MYO3B: variants seen among roughly 807,000 people sequenced by gnomAD.
MYO3B encodes myosin IIIB.
In MYO3B, 156 loss-of-function variants were observed where a neutral mutation model predicts 174.6. The observed-to-expected ratio is 0.89, with a 90% CI of 0.78 to 1.02. MYO3B has a LOEUF of 1.02. Ranked by LOEUF, MYO3B falls within the 50% of genes least tolerant of loss-of-function variation. The pLI, the probability that MYO3B is intolerant of heterozygous loss-of-function variation, is 0.00. For missense variants in MYO3B, 1,632 were observed against 1,639.4 expected (o/e 1.00, Z 0.08); for synonymous variants, 563 against 569.1 (o/e 0.99, Z 0.15).
intron 8 of MYO3B, among the ~76,000 whole-genome samples, chr2:170,352,648 A>C (rs2094084433): frequency 6.6e-6 from 1 of 152,128 alleles, no homozygotes; most frequent in Non-Finnish European, 1.5e-5. Flanking sequence ...CATGGTGTAA[A>C]TATTCCCACC....
At chr2:170,383,210 A>G in intron 11 of MYO3B, 21 bp downstream of exon 11, 1 of 1,387,226 alleles carries the variant, frequency 7.2e-7, no homozygotes, top group Non-Finnish European at 1.0e-6. Flanking sequence ...TTTTAAGAGC[A>G]TACTGCTCCT....
intron 8 of MYO3B, chr2:170,344,103 G>A (rs982779528): frequency 6.6e-6 from 1 of 152,226 alleles, no homozygotes; most frequent in African/African-American, 2.4e-5. Flanking sequence ...CAAGATGACT[G>A]CTGGAGCTCT....
rs189946062 is a variant in MYO3B, at chr2:170,206,120, C to G, written c.321+5836C>G. Among the ~76,000 whole-genome samples the G allele has an allele frequency of 6.6e-6, 1 of 152,086 alleles. No individual in the cohort carries two copies. Among genetic ancestry groups the G allele is most frequent in the Non-Finnish European group, 1.5e-5 (1 of 68,022 alleles). ...ATTTAGAACTCATCACACACATGTACCCTCACATGCACATTCCCCCTCATT... is the reference window on the plus strand; with the variant it reads ...ATTTAGAACTCATCACACACATGTAGCCTCACATGCACATTCCCCCTCATT... On this transcript the variant is annotated intron_variant, in intron 3 of 34. Transcript: ENST00000408978. This position sits in a 1 kb window ranked among gnomAD's most constrained non-coding sequence, Gnocchi z 4.3.
chr2:170,629,780 G>A (rs997503210), intron 32 of MYO3B, among the ~76,000 whole-genome samples: 4 of 152,184 alleles, frequency 2.6e-5, no homozygotes, highest in Non-Finnish European at 4.4e-5. Context: ...AACCTTGGAG[G>A]CAGACATTGC....
intron 23 of MYO3B, among the ~76,000 whole-genome samples, chr2:170,445,577 G>C (rs2094835319): frequency 1.3e-5 from 2 of 151,910 alleles, no homozygotes; most frequent in Non-Finnish European, 2.9e-5. Flanking sequence ...CCGACCTCAG[G>C]TGATCCGCCC....
chr2:170,444,842 G>T (rs2094828801), intron 23 of MYO3B, among the ~76,000 whole-genome samples: 1 of 152,068 alleles, frequency 6.6e-6, no homozygotes, highest in African/African-American at 2.4e-5. Flanking sequence ...TTTCAACCTT[G>T]CTACTTCACG....
intron 6 of MYO3B, among the ~76,000 whole-genome samples, chr2:170,220,551 C>A (rs1367254061): frequency 6.7e-6 from 1 of 148,900 alleles, no homozygotes; most frequent in Non-Finnish European, 1.5e-5. Flanking sequence ...GTGGCGTGAA[C>A]CCGGGAGGCA....
At chr2:170,548,512 G>A (rs1690685681) in intron 32 of MYO3B, among the ~76,000 whole-genome samples, 1 of 152,164 alleles carries the variant, frequency 6.6e-6, no homozygotes, top group African/African-American at 2.4e-5. Flanking sequence ...TAGTCTCAGT[G>A]AAATGGGAAG....
intron 32 of MYO3B, among the ~76,000 whole-genome samples, chr2:170,629,959 A>G (rs1297206236): frequency 1.3e-5 from 2 of 152,260 alleles, no homozygotes; most frequent in Admixed American, 1.3e-4. Context: ...CCAAATAGGA[A>G]CAGCTCCATT....
chr2:170,483,444 T>C (rs1186243939), intron 25 of MYO3B, among the ~76,000 whole-genome samples: 1 of 107,706 alleles, frequency 9.3e-6, no homozygotes, highest in East Asian at 2.5e-4. Context: ...TGGAGTGCAG[T>C]GGCGCGATCT....
intron 28 of MYO3B, among the ~76,000 whole-genome samples, chr2:170,508,378 A>G (rs1240016782): frequency 1.3e-5 from 2 of 152,214 alleles, no homozygotes; most frequent in Non-Finnish European, 2.9e-5. Flanking sequence ...ATGTTATCAC[A>G]TTTTATAACT....
chr2:170,460,553 G>A (rs1229116015), intron 23 of MYO3B, among the ~76,000 whole-genome samples: 1 of 149,960 alleles, frequency 6.7e-6, no homozygotes, highest in African/African-American at 2.4e-5. Context: ...AAGTATGTAG[G>A]TGGTGAATTA....
At chr2:170,548,863 CTG>C (rs779803091) in intron 32 of MYO3B, among the ~76,000 whole-genome samples, 4 of 152,218 alleles carry the variant, frequency 2.6e-5, no homozygotes, top group Non-Finnish European at 5.9e-5. Context: ...GCCAGATTCT[CTG>C]TTTAATTTTT....
intron 8 of MYO3B, among the ~76,000 whole-genome samples, chr2:170,349,091 C>T (rs2094040320): frequency 6.6e-6 from 1 of 152,154 alleles, no homozygotes; most frequent in South Asian, 2.1e-4. Context: ...TTACAGGGTG[C>T]ACTAAAACTC....
chr2:170,526,293 T>G (rs1235611907), intron 30 of MYO3B, among the ~76,000 whole-genome samples: 1 of 152,142 alleles, frequency 6.6e-6, no homozygotes, highest in Non-Finnish European at 1.5e-5. Context: ...GAATACTCAA[T>G]AAGAGATTAT....
At chr2:170,586,176 G>C (rs1355778380) in intron 32 of MYO3B, among the ~76,000 whole-genome samples, 2 of 152,192 alleles carry the variant, frequency 1.3e-5, no homozygotes, top group Non-Finnish European at 2.9e-5. Flanking sequence ...TCTTTTTCTA[G>C]TAAACACTAT....
In MYO3B at chr2:170,611,209, C is replaced by T. The variant is rs186883115; in HGVS notation, c.3734-40419C>T. ...GGGCACCACCTAGATCCTTATGAAG[C>T]GGAGATTTGGCAGATTAAAAACACT... On this transcript the variant is annotated intron_variant, in intron 32 of 34. Coordinates refer to ENST00000408978, the MANE Select transcript of MYO3B (RefSeq NM_138995.5). Among the ~76,000 whole-genome samples, 383 of 152,206 alleles carry T rather than the reference C, an allele frequency of 2.5e-3. 1 individual carries two copies. Among genetic ancestry groups the T allele is most frequent in the African/African-American group, 8.8e-3 (366 of 41,518 alleles).
chr2:170,213,750 G>C (rs2092798179), intron 3 of MYO3B, among the ~76,000 whole-genome samples: 1 of 152,186 alleles, frequency 6.6e-6, no homozygotes, highest in South Asian at 2.1e-4. Flanking sequence ...ACAAAAAAGA[G>C]AGAAGAGCAT....
intron 9 of MYO3B, among the ~76,000 whole-genome samples, chr2:170,380,281 TG>T (rs2094325618): frequency 1.1e-5 from 1 of 90,480 alleles, no homozygotes; most frequent in Non-Finnish European, 3.0e-5. Flanking sequence ...GAGTAATGTG[TG>T]TAGTTATGCA....
Sources: gnomAD v4.1 joint callset for allele counts (sites outside exome capture counted in the v4.1 genomes callset) on GRCh38, gnomAD v4.1.1 for gene constraint, Gnocchi (gnomAD v3.1) non-coding constraint, MANE v1.5 for transcripts, NCBI Gene and HGNC (gene_info 2026-07-23, HGNC 2026-07-21) for gene names.